Variants in ZNRF3 observed in about 807,000 individuals in gnomAD.
ZNRF3 encodes E3 ubiquitin-protein ligase ZNRF3.
A neutral mutation model predicts 72.5 loss-of-function variants in ZNRF3; 23 were observed. That is an observed-to-expected ratio of 0.32 (90% confidence interval 0.23 to 0.45). The LOEUF (loss-of-function observed/expected upper bound fraction) is 0.45, where lower values mean the gene tolerates loss of function less well. Ranked by LOEUF, ZNRF3 falls within the 20% of genes least tolerant of loss-of-function variation. The pLI is 1.00. For synonymous variants in ZNRF3, 610 were observed against 545.3 expected (o/e 1.12, Z -1.65); for missense variants, 1,169 against 1,272.1 (o/e 0.92, Z 1.23).
At chr22:28,905,060 C>T (rs553627169) in intron 1 of ZNRF3, among the ~76,000 whole-genome samples, 1 of 152,050 alleles carries the variant, frequency 6.6e-6, no homozygotes, top group East Asian at 1.9e-4. Flanking sequence ...CTCAACCTCC[C>T]GAGTAGCTGG....
chr22:28,916,641 C>T (rs1004378882), intron 1 of ZNRF3, among the ~76,000 whole-genome samples: 2 of 152,196 alleles, frequency 1.3e-5, no homozygotes, highest in African/African-American at 2.4e-5. Context: ...AAGGCATCCT[C>T]TTAATCATCT....
At position 29,050,428 on chromosome 22, in the gene ZNRF3, G is replaced by T. The variant is rs1245872471; in HGVS notation, c.2247G>T (p.Glu749Asp). The change falls in exon 8 of 9, where the codon GAG becomes GAT. Residue 749 changes from glutamate to aspartate, a missense_variant. Transcript: ENST00000544604. ...AGGGCTCTGGCCCGGCGGGTGGGGA[G>T]CCCCAGTCAGGAAGCTCCCAGGGCT... ...LYEGSGPAGG[E>D]PQSGSSQGLY... The T allele has an allele frequency of 1.7e-5, 28 of 1,608,508 alleles. No homozygotes were observed. The highest frequency in any genetic ancestry group is 2.7e-5 in the African/African-American group (2 of 74,838).
intron 1 of ZNRF3, among the ~76,000 whole-genome samples, chr22:28,903,128 C>G (rs1342291914): frequency 6.6e-6 from 1 of 152,188 alleles, no homozygotes; most frequent in African/African-American, 2.4e-5. Context: ...CCAGTTCCCT[C>G]TGTTTCCTGG....
chr22:29,048,133 A>G lies in ZNRF3; in HGVS notation c.913-256A>G, dbSNP rs2037107957. 6.6e-6 allele frequency among the ~76,000 whole-genome samples: 1 copy of G among 152,298 alleles called. No homozygotes were observed. The highest frequency in any genetic ancestry group is 1.9e-4 in the East Asian group (1 of 5,180). ...GTTTGCCCTCCTCCAGCTACGGGAA[A>G]GACGCCTGCCTCTGTGCGTGCCCAC... On this transcript the variant is annotated intron_variant, in intron 6 of 8. Coordinates refer to ENST00000544604, the MANE Select transcript of ZNRF3 (RefSeq NM_001206998.2). This position sits in a 1 kb window ranked among gnomAD's most constrained non-coding sequence, Gnocchi z 4.9.
In ZNRF3 at chr22:29,046,794, C is replaced by A; in HGVS notation, c.823C>A (p.Arg275=). 6.2e-7 allele frequency: 1 copy of A among 1,611,746 alleles called. No individual in the cohort carries two copies. Among genetic ancestry groups the A allele is most frequent in the Non-Finnish European group, 8.5e-7 (1 of 1,178,888 alleles). The change falls in exon 6 of 9, where the codon CGG becomes AGG. Residue 275 remains arginine, a synonymous_variant. Coordinates refer to ENST00000544604, the MANE Select transcript of ZNRF3 (RefSeq NM_001206998.2). ...GTTCAACTCCAAGAGCAAGGGGCGC[C>A]GGGAGGGGAGCTGTGGGGCCCTGGA... ...RKFNSKSKGR[R]EGSCGALDTL...
chr22:28,952,167 A>G (rs1159072453), intron 1 of ZNRF3, among the ~76,000 whole-genome samples: 3 of 152,100 alleles, frequency 2.0e-5, no homozygotes, highest in Admixed American at 6.5e-5. Context: ...CCAAAACATT[A>G]CTCTTCGTGA....
At chr22:29,012,637 G>A (rs1029356302) in intron 2 of ZNRF3, among the ~76,000 whole-genome samples, 4 of 152,340 alleles carry the variant, frequency 2.6e-5, no homozygotes, top group African/African-American at 9.6e-5. Context: ...ACTGGTAGGT[G>A]TAGGAAGGGC....
chr22:28,964,816 C>T (rs1323486066), intron 1 of ZNRF3, among the ~76,000 whole-genome samples: 2 of 152,248 alleles, frequency 1.3e-5, no homozygotes, highest in African/African-American at 4.8e-5. Flanking sequence ...CCTTCTGTTC[C>T]AAGGTCATAA....
chr22:28,966,764 TAAA>T (rs2035470398), intron 1 of ZNRF3, among the ~76,000 whole-genome samples: 1 of 151,158 alleles, frequency 6.6e-6, no homozygotes, highest in Admixed American at 6.6e-5. Context: ...GTTTATAAAG[TAAA>T]AAAGTTACAG....
Position 29,050,295 on chromosome 22 carries a change from A to G in ZNRF3, c.2114A>G (p.His705Arg), listed in dbSNP as rs765696738. The change falls in exon 8 of 9, where the codon CAC (histidine) becomes CGC (arginine). Residue 705 changes from histidine to arginine, a missense_variant. His to Arg is a conservative substitution (Grantham distance 29, BLOSUM62 0). This residue lies in a region of ZNRF3 where 783 missense variants were observed against 731.4 expected (regional missense o/e 1.07). Transcript: ENST00000544604. ...PDLRRTWKGG[H>R]ELPSCACCCE... ...CTCAGGAGGACCTGGAAGGGGGGCC[A>G]CGAGTTGCCGTCGTGTGCCTGCTGC... 1 of 1,598,032 alleles carries G rather than the reference A, an allele frequency of 6.3e-7. No homozygotes were observed. Among genetic ancestry groups the G allele is most frequent in the Non-Finnish European group, 8.5e-7 (1 of 1,178,112 alleles).
In ZNRF3 at chr22:29,050,685, A is replaced by T; in HGVS notation, c.2504A>T (p.Asp835Val). The T allele has an allele frequency of 6.2e-7, 1 of 1,612,370 alleles. No individual in the cohort carries two copies. Among genetic ancestry groups the T allele is most frequent in the Middle Eastern group, 1.7e-4 (1 of 6,058 alleles). The part of the protein sequence containing the change: ...LSQRIPIIPE[D>V]VDCDLGLPSD... ...CAGCGCATCCCCATCATTCCAGAGG[A>T]TGTGGACTGTGATCTGGGCCTGCCC... The change falls in exon 8 of 9, where the codon GAT (aspartate) becomes GTT (valine). Residue 835 changes from aspartate to valine, a missense_variant. Physicochemically the swap from Asp to Val is radical, Grantham distance 152. Transcript: ENST00000544604.
intron 1 of ZNRF3, among the ~76,000 whole-genome samples, chr22:28,984,183 T>C (rs1380418816): frequency 6.6e-6 from 1 of 152,172 alleles, no homozygotes; most frequent in African/African-American, 2.4e-5. Flanking sequence ...ATTTTAATCA[T>C]TTTAAAGCAT....
At chr22:29,001,368 A>T (rs1367761086) in intron 2 of ZNRF3, among the ~76,000 whole-genome samples, 2 of 152,024 alleles carry the variant, frequency 1.3e-5, no homozygotes, top group Non-Finnish European at 2.9e-5. Flanking sequence ...TACTCTAGAC[A>T]TAAGTCCCTT....
At chr22:28,888,403 ACCT>A (rs1601525499) in intron 1 of ZNRF3, among the ~76,000 whole-genome samples, 1 of 152,210 alleles carries the variant, frequency 6.6e-6, no homozygotes, top group East Asian at 1.9e-4. Context: ...CTGACAGCTG[ACCT>A]GGATTTAGAC....
chr22:29,037,524 T>C (rs921194143), intron 2 of ZNRF3, among the ~76,000 whole-genome samples: 1 of 152,226 alleles, frequency 6.6e-6, no homozygotes, highest in Non-Finnish European at 1.5e-5. Context: ...CTTTCACTTA[T>C]AATAAACATT....
intron 1 of ZNRF3, among the ~76,000 whole-genome samples, chr22:28,947,343 A>G (rs1329401566): frequency 6.6e-6 from 1 of 152,158 alleles, no homozygotes; most frequent in Non-Finnish European, 1.5e-5. Flanking sequence ...GCTTATGGAC[A>G]TGTTTTCATT....
intron 2 of ZNRF3, among the ~76,000 whole-genome samples, chr22:29,019,360 C>A (rs1421131465): frequency 6.6e-6 from 1 of 152,110 alleles, no homozygotes; most frequent in Non-Finnish European, 1.5e-5. Context: ...ATATTTGATT[C>A]TTTGTGTCAA....
At chr22:28,947,272 G>T (rs964743589) in intron 1 of ZNRF3, among the ~76,000 whole-genome samples, 5 of 152,150 alleles carry the variant, frequency 3.3e-5, no homozygotes, top group African/African-American at 4.8e-5. Context: ...CAGTCAGTAG[G>T]CATTTGGGTT....
At chr22:28,931,483 G>T (rs1030471841) in intron 1 of ZNRF3, among the ~76,000 whole-genome samples, 1 of 152,198 alleles carries the variant, frequency 6.6e-6, no homozygotes, top group Non-Finnish European at 1.5e-5. Flanking sequence ...AAAGTATATA[G>T]CAGTTCTCAT....
Sources: allele counts gnomAD v4.1 joint callset (sites outside exome capture counted in the v4.1 genomes callset), GRCh38; gene constraint gnomAD v4.1.1; regional missense constraint gnomAD v4.1.1; non-coding constraint Gnocchi (gnomAD v3.1); transcripts MANE v1.5; gene names NCBI Gene and HGNC (gene_info 2026-07-23, HGNC 2026-07-21).